ALS2: variants seen among roughly 807,000 people sequenced by gnomAD.
ALS2 encodes the protein alsin Rho guanine nucleotide exchange factor ALS2, also known as alsin.
ALS2 carries 117 observed loss-of-function variants against 203.4 expected under a neutral mutation model. That is an observed-to-expected ratio of 0.58 (90% CI 0.50 to 0.67). The LOEUF (loss-of-function observed/expected upper bound fraction) is 0.67. ALS2 is among the 30% of genes least tolerant of loss of function. The pLI is 0.00. For synonymous variants in ALS2, 718 were observed against 725.9 expected (o/e 0.99, Z 0.17); for missense variants, 1,715 against 1,989.4 (o/e 0.86, Z 2.62).
intron 13 of ALS2, among the ~76,000 whole-genome samples, chr2:201,732,581 C>G (rs1185193472): frequency 1.3e-5 from 2 of 151,632 alleles, no homozygotes; most frequent in Non-Finnish European, 2.9e-5. Context: ...AACAAACAAA[C>G]AACAACAACA....
intron 8 of ALS2, 107 bp downstream of exon 8, chr2:201,749,605 G>T (rs561175169): frequency 9.2e-7 from 1 of 1,092,430 alleles, no homozygotes; most frequent in Non-Finnish European, 1.4e-6. Flanking sequence ...ACAAATTTAG[G>T]TTGTACGTAT....
At chr2:201,758,669 C>T (rs1693550312) in intron 4 of ALS2, among the ~76,000 whole-genome samples, 1 of 151,960 alleles carries the variant, frequency 6.6e-6, no homozygotes, top group African/African-American at 2.4e-5. Flanking sequence ...GAAAAATTTG[C>T]TTCTTATTGT....
intron 12 of ALS2, among the ~76,000 whole-genome samples, chr2:201,735,032 GGAAT>G (rs1260547629): frequency 1.3e-5 from 2 of 152,126 alleles, no homozygotes; most frequent in Non-Finnish European, 2.9e-5. Context: ...GCCATAAAAT[GGAAT>G]GAAATTTTGA....
At chr2:201,767,466 CT>C in intron 2 of ALS2, 83 bp from the exon 3 acceptor site, 2 of 1,471,758 alleles carry the variant, frequency 1.4e-6, no homozygotes, top group Non-Finnish European at 1.9e-6. Context: ...ATGATTGTAC[CT>C]TTTACCAGCA....
intron 10 of ALS2, among the ~76,000 whole-genome samples, chr2:201,744,037 G>A (rs142811358): frequency 1.3e-5 from 2 of 152,308 alleles, no homozygotes; most frequent in African/African-American, 4.8e-5. Context: ...ACTTCTGGAA[G>A]CCGCAGGAGC....
intron 11 of ALS2, among the ~76,000 whole-genome samples, chr2:201,739,763 AAG>A (rs201392789): frequency 0.05 from 7,648 of 151,592 alleles, 216 homozygotes; most frequent in Admixed American, 0.078. Flanking sequence ...AAAAAGAAAA[AAG>A]AAATGACAGT....
intron 25 of ALS2, among the ~76,000 whole-genome samples, chr2:201,712,031 T>C (rs1194839235): frequency 6.6e-6 from 1 of 152,180 alleles, no homozygotes; most frequent in Non-Finnish European, 1.5e-5. Context: ...GTAACAATTA[T>C]GAACTTCATG....
chr2:201,766,668 A>T (rs914281960), intron 3 of ALS2, among the ~76,000 whole-genome samples: 9 of 147,938 alleles, frequency 6.1e-5, no homozygotes, highest in African/African-American at 1.5e-4. Flanking sequence ...TAAAATAAAA[A>T]AAAGCAAAGA....
In ALS2 at chr2:201,729,206, G is replaced by GAA. The variant is rs113406595; in HGVS notation, c.2581-25_2581-24dup. ...TGCCTACAGGGCAAAAATTAAAGAG[G>GAA]AAAAAAAAAAAAAGAACATAAAACC... On this transcript the variant is annotated intron_variant, in intron 13 of 33. Transcript: ENST00000264276. The GAA allele has an allele frequency of 2.1e-4, 271 of 1,305,660 alleles. No homozygotes were observed. The South Asian group carries it at 2.1e-3, about 10-fold the overall frequency. The allele number at this position is 1,305,660 out of a possible 1,614,324, so 80.9% of individuals were successfully genotyped here. A position where few individuals can be genotyped will look rare whatever the true frequency, so the allele number is the denominator to read the frequency against.
intron 1 of ALS2, among the ~76,000 whole-genome samples, chr2:201,772,804 G>A (rs1196802323): frequency 6.6e-6 from 1 of 151,006 alleles, no homozygotes; most frequent in East Asian, 1.9e-4. Flanking sequence ...GAGTACACTG[G>A]GGAGTTGCAT....
At chr2:201,742,966 G>A (rs1559066151) in intron 10 of ALS2, among the ~76,000 whole-genome samples, 1 of 151,704 alleles carries the variant, frequency 6.6e-6, no homozygotes, top group Non-Finnish European at 1.5e-5. Context: ...AGCTACTCAG[G>A]TGGCTGAGGC....
At chr2:201,757,296 T>C (rs1693457528) in intron 5 of ALS2, 106 bp downstream of exon 5, 6 of 925,582 alleles carry the variant, frequency 6.5e-6, no homozygotes, top group Admixed American at 1.8e-5. Flanking sequence ...CATTTGAATA[T>C]GTCAGCTTCA....
chr2:201,762,589 G>C (rs1047193315), intron 3 of ALS2: 1 of 152,236 alleles, frequency 6.6e-6, no homozygotes, highest in Non-Finnish European at 1.5e-5. Flanking sequence ...TCAGCACTCA[G>C]AAAGTTCTGG....
Position 201,744,414 on chromosome 2 carries a change from T to G in ALS2, c.2014A>C (p.Arg672=). The change falls in exon 10 of 34, where the codon AGA becomes CGA. Residue 672 remains arginine (R), a synonymous_variant. Transcript: ENST00000264276. ...LSCSKLGYIS[R]VTAGKDSYLA... is the part of the protein sequence containing the mutation. ...TAGCTATCTTTTCCTGCTGTCACTC[T>G]GCTTATATATCCAAGCTGAAACAGA... is the stretch of plus-strand genomic sequence containing the variant. The G allele has an allele frequency of 6.2e-7, 1 of 1,614,062 alleles. No homozygotes were observed. Among genetic ancestry groups the G allele is most frequent in the Non-Finnish European group, 8.5e-7 (1 of 1,179,992 alleles).
intron 27 of ALS2, among the ~76,000 whole-genome samples, chr2:201,708,670 A>T (rs1192453521): frequency 6.6e-6 from 1 of 152,216 alleles, no homozygotes; most frequent in African/African-American, 2.4e-5. Flanking sequence ...TCAAGGGGAT[A>T]AATTGGTGAG....
chr2:201,775,578 A>G (rs1559095697), intron 1 of ALS2, among the ~76,000 whole-genome samples: 1 of 152,180 alleles, frequency 6.6e-6, no homozygotes, highest in Non-Finnish European at 1.5e-5. Context: ...TACTTCCTGG[A>G]TATCCTGCCA....
At position 201,744,361 on chromosome 2, in the gene ALS2, C is replaced by T; in HGVS notation, c.2067G>A (p.Met689Ile). 1 of 1,614,034 alleles carries T rather than the reference C, an allele frequency of 6.2e-7. No homozygotes were observed. Among genetic ancestry groups the T allele is most frequent in the Non-Finnish European group, 8.5e-7 (1 of 1,179,954 alleles). The change falls in exon 10 of 34, where the codon ATG becomes ATA. Residue 689 changes from methionine to isoleucine, a missense_variant. By Grantham distance (10) the Met-to-Ile change is conservative. Around this residue, in one of 3 missense-constraint regions of ALS2, gnomAD observed 1,227 missense variants for 1,413.5 expected, o/e 0.87. Transcript: ENST00000264276. ...SYLALVDKNI[M>I]GYIASLHELA... Reference sequence around the variant, plus strand: ...ACTCGTGGAGACTGGCAATATACCCCATAATGTTTTTATCCACCAAGGCTA... The same window carrying T: ...ACTCGTGGAGACTGGCAATATACCCTATAATGTTTTTATCCACCAAGGCTA...
chr2:201,732,279 C>T (rs757120440), intron 13 of ALS2, among the ~76,000 whole-genome samples: 5 of 151,820 alleles, frequency 3.3e-5, no homozygotes, highest in Admixed American at 1.3e-4. Context: ...AAGGGGCCAG[C>T]GTGGTGGCTC....
chr2:201,708,089 T>C, intron 27 of ALS2, 98 bp from the exon 28 acceptor site: 3 of 1,130,502 alleles, frequency 2.7e-6, no homozygotes, highest in Non-Finnish European at 3.9e-6. Context: ...CAAGCTTTAT[T>C]ATCAACTAAG....
Sources: allele counts gnomAD v4.1 joint callset (sites outside exome capture counted in the v4.1 genomes callset), GRCh38; gene constraint gnomAD v4.1.1; regional missense constraint gnomAD v4.1.1; transcripts MANE v1.5; gene names NCBI Gene and HGNC (gene_info 2026-07-23, HGNC 2026-07-21).